Variants in ZBBX observed in about 807,000 individuals in gnomAD.
ZBBX encodes zinc finger B-box domain-containing protein 1.
Under a neutral mutation model 108.5 loss-of-function variants are expected in ZBBX, and 101 were observed. That is an observed-to-expected ratio of 0.93 (90% CI 0.79 to 1.10). The LOEUF is 1.10. Among genes scored for constraint, ZBBX ranks in the 50% least tolerant of loss-of-function variants. ZBBX has a pLI of 0.00. For synonymous variants in ZBBX, 356 were observed against 323.4 expected (o/e 1.10, Z -1.08); for missense variants, 1,009 against 941.4 (o/e 1.07, Z -0.94).
the ZBBX span, among the ~76,000 whole-genome samples, chr3:167,211,910 G>A: frequency 2.6e-5 from 4 of 152,134 alleles, no homozygotes; most frequent in Non-Finnish European, 5.9e-5. Flanking sequence ...CAGCCTTTGG[G>A]CTTTGGAGAG....
At chr3:167,260,293 C>T (rs1346719971) in intron 20 of ZBBX, among the ~76,000 whole-genome samples, 2 of 152,184 alleles carry the variant, frequency 1.3e-5, no homozygotes, top group Non-Finnish European at 2.9e-5. Context: ...CTTTGGATAA[C>T]CTCATGGAAA....
At chr3:167,377,567 G>A (rs1351124710) in intron 2 of ZBBX, among the ~76,000 whole-genome samples, 1 of 152,034 alleles carries the variant, frequency 6.6e-6, no homozygotes, top group Non-Finnish European at 1.5e-5. Flanking sequence ...TTAGAAATCA[G>A]AGACCCAAGA....
chr3:167,386,321 C>A (rs1379937842), intron 1 of ZBBX, among the ~76,000 whole-genome samples: 1 of 151,862 alleles, frequency 6.6e-6, no homozygotes, highest in Non-Finnish European at 1.5e-5. Flanking sequence ...ATTACTTAAA[C>A]TAGGATGGAT....
chr3:167,267,121 C>T (rs1448397641), intron 20 of ZBBX, among the ~76,000 whole-genome samples: 1 of 152,222 alleles, frequency 6.6e-6, no homozygotes, highest in Admixed American at 6.5e-5. Flanking sequence ...ATTACCACTG[C>T]TGTGCAGAGT....
chr3:167,260,360 T>G lies in ZBBX; in HGVS notation c.2255-17717A>C, dbSNP rs146259701. Among the ~76,000 whole-genome samples the G allele has an allele frequency of 3.6e-3, 549 of 152,336 alleles. 2 individuals are homozygous for G. Among genetic ancestry groups the G allele is most frequent in the Non-Finnish European group, 6.2e-3 (421 of 68,022 alleles). ...TTTCCCAGGTGTTCTTTCTGCTTCT[T>G]GTATTTGGATGTCTAGGTCTCTAGG... On this transcript the variant is annotated intron_variant, in intron 20 of 21. Coordinates refer to ENST00000675490, the MANE Select transcript of ZBBX (RefSeq NM_001199201.2).
chr3:167,200,786 C>A, the ZBBX span, among the ~76,000 whole-genome samples: 1 of 152,102 alleles, frequency 6.6e-6, no homozygotes, highest in Non-Finnish European at 1.5e-5. Context: ...CAAATAATTA[C>A]TGTGAGGTAG....
At position 167,359,971 on chromosome 3, in the gene ZBBX, T is replaced by C; in HGVS notation, c.331A>G (p.Lys111Glu). 6.4e-7 allele frequency: 1 copy of C among 1,574,764 alleles called. No individual in the cohort carries two copies. Among genetic ancestry groups the C allele is most frequent in the East Asian group, 2.3e-5 (1 of 43,788 alleles). Residue 111 changes from lysine (K) to glutamate (E), a missense_variant, in exon 8 of 22, where the codon AAA becomes GAA. Lys to Glu is a moderately conservative substitution (Grantham distance 56, BLOSUM62 1). Transcript: ENST00000675490. ...GCCATTTTATAATTAACTGTTGGTT[T>C]CACTGGCTCTGCAAGATAAAAAATA... ...LLKEQIQEPV[K>E]PTVNYKMANS...
chr3:167,205,183 G>A, the ZBBX span, among the ~76,000 whole-genome samples: 3 of 152,008 alleles, frequency 2.0e-5, no homozygotes, highest in African/African-American at 4.8e-5. Context: ...TTAAAACCGT[G>A]AACTTTTCCA....
At chr3:167,307,010 G>A (rs1277260605) in intron 16 of ZBBX, among the ~76,000 whole-genome samples, 2 of 152,122 alleles carry the variant, frequency 1.3e-5, no homozygotes, top group African/African-American at 2.4e-5. Context: ...AAACAAGGAA[G>A]TCAAAAGTAC....
In ZBBX at chr3:167,305,842, T is replaced by C. The variant is rs1274489607; in HGVS notation, c.1526A>G (p.Lys509Arg). 2 of 1,611,286 alleles carry C rather than the reference T, an allele frequency of 1.2e-6. No homozygotes were observed. The highest frequency in any genetic ancestry group is 1.7e-5 in the Admixed American group (1 of 59,690). Residue 509 changes from lysine (K) to arginine (R), a missense_variant, in exon 17 of 22, where the codon AAA becomes AGA. Lys to Arg is a conservative substitution (Grantham distance 26). Transcript: ENST00000675490. ...STSFERNLKE[K>R]NIGLESNQKS... ...TTGATTACTTTCTAAACCTATATTTTTCTCCTTTAAATTTCTTTCAAAGGA... is the reference window on the plus strand; with the variant it reads ...TTGATTACTTTCTAAACCTATATTTCTCTCCTTTAAATTTCTTTCAAAGGA...
At chr3:167,231,297 AAGG>A in the ZBBX span, among the ~76,000 whole-genome samples, 1 of 151,852 alleles carries the variant, frequency 6.6e-6, no homozygotes, top group Admixed American at 6.6e-5. Context: ...GGCTGTAAAA[AAGG>A]AGAAGAAATT....
chr3:167,204,474 G>A, the ZBBX span, among the ~76,000 whole-genome samples: 5 of 143,344 alleles, frequency 3.5e-5, no homozygotes, highest in African/African-American at 1.3e-4. Context: ...TCCCACCTAT[G>A]AGTGAGAATA....
rs1553833122 is a variant in ZBBX at position 167,348,372 on chromosome 3, A to AAGAAAGAAAG, written c.528+2047_528+2048insCTTTCTTTCT. ...AGAAAGAAAGAAAGAAAGAAAGAAA[A>AAGAAAGAAAG]AAAAGAAAAGAAAAGAAGAAGGAGG... On this transcript the variant is annotated intron_variant, in intron 9 of 21. Coordinates refer to ENST00000675490, the MANE Select transcript of ZBBX (RefSeq NM_001199201.2). 8.8e-3 allele frequency among the ~76,000 whole-genome samples: 918 copies of AAGAAAGAAAG among 104,746 alleles called. 14 individuals are homozygous for AAGAAAGAAAG. The highest frequency in any genetic ancestry group is 0.028 in the African/African-American group (873 of 30,726). 68.7% of individuals were successfully genotyped at this position (104,746 alleles called of 152,430 possible). A position where few individuals can be genotyped will look rare whatever the true frequency, so the allele number is the denominator to read the frequency against.
intron 20 of ZBBX, among the ~76,000 whole-genome samples, chr3:167,249,814 G>C (rs148165532): frequency 1.7e-3 from 261 of 152,316 alleles, no homozygotes; most frequent in African/African-American, 6.1e-3. Flanking sequence ...TATAGCGTCA[G>C]AGAAGGGGAT....
At chr3:167,204,198 CT>C in the ZBBX span, among the ~76,000 whole-genome samples, 1,421 of 118,030 alleles carry the variant, frequency 0.012, 28 homozygotes, top group South Asian at 0.02. Flanking sequence ...TTCTTTTTTT[CT>C]TTTTTTTTTT....
chr3:167,319,803 T>C (rs150189727), intron 12 of ZBBX, among the ~76,000 whole-genome samples: 1,657 of 152,092 alleles, frequency 0.011, 17 homozygotes, highest in South Asian at 0.025. Flanking sequence ...TTAGGGCTAA[T>C]TAATAAATAT....
At chr3:167,252,033 G>A in intron 20 of ZBBX, 1 of 760,892 alleles carries the variant, frequency 1.3e-6, no homozygotes, top group Non-Finnish European at 1.9e-6. Context: ...AGGAGAAACT[G>A]TTTCCTTAAA....
the ZBBX span, among the ~76,000 whole-genome samples, chr3:167,193,405 G>T: frequency 6.6e-6 from 1 of 152,126 alleles, no homozygotes; most frequent in Non-Finnish European, 1.5e-5. Flanking sequence ...TTTTGACAGA[G>T]TTACAGAGCA....
intron 18 of ZBBX, among the ~76,000 whole-genome samples, chr3:167,291,034 C>A (rs1730594257): frequency 6.6e-6 from 1 of 151,982 alleles, no homozygotes; most frequent in African/African-American, 2.4e-5. Flanking sequence ...ACGAACAAAG[C>A]CTCCAAGAAA....
Sources: allele counts gnomAD v4.1 joint callset (sites outside exome capture counted in the v4.1 genomes callset), GRCh38; gene constraint gnomAD v4.1.1; transcripts MANE v1.5; gene names NCBI Gene and HGNC (gene_info 2026-07-23, HGNC 2026-07-21).